The following SLC24A4 variants were observed in gnomAD, a reference collection of about 807,000 sequenced individuals.
SLC24A4 encodes solute carrier family 24 member 4, also known as sodium/potassium/calcium exchanger 4.
In SLC24A4, 53 loss-of-function variants were observed where a neutral mutation model predicts 79.0. That is an observed-to-expected ratio of 0.67 (90% confidence interval 0.54 to 0.84). SLC24A4 has a LOEUF of 0.84. Among genes scored for constraint, SLC24A4 ranks in the 40% least tolerant of loss-of-function variants. The pLI is 0.00. For missense variants in SLC24A4, 731 were observed against 822.0 expected (o/e 0.89, Z 1.35); for synonymous variants, 323 against 323.8 (o/e 1.00, Z 0.03).
chr14:92,399,001 C>T (rs146398354), intron 2 of SLC24A4, among the ~76,000 whole-genome samples: 4 of 152,242 alleles, frequency 2.6e-5, no homozygotes, highest in South Asian at 2.1e-4. Context: ...GGGATTCTAG[C>T]GAGATTTAGG....
chr14:92,356,097 G>A lies in SLC24A4; in HGVS notation c.241+30119G>A, dbSNP rs1419055417. ...ATTATTCAATGAATCACATGAGAGA[G>A]TCAACATTTTATGATAGAATAGACT... On this transcript the variant is annotated intron_variant, in intron 2 of 16. Coordinates refer to ENST00000532405, the MANE Select transcript of SLC24A4 (RefSeq NM_153646.4). 2.6e-5 allele frequency among the ~76,000 whole-genome samples: 4 copies of A among 152,180 alleles called. No individual in the cohort carries two copies. The East Asian group carries it at 5.8e-4, about 22-fold the overall frequency.
At chr14:92,468,604 A>G (rs746933953) in intron 12 of SLC24A4, among the ~76,000 whole-genome samples, 15 of 152,240 alleles carry the variant, frequency 9.9e-5, no homozygotes, top group Non-Finnish European at 1.8e-4. Flanking sequence ...ATGCACCTTT[A>G]CATTTCAGGC....
At chr14:92,422,431 G>A (rs1212997528) in intron 2 of SLC24A4, among the ~76,000 whole-genome samples, 3 of 152,244 alleles carry the variant, frequency 2.0e-5, no homozygotes, top group Admixed American at 2.0e-4. Flanking sequence ...GTCAAGTGCT[G>A]TTGAGAGCTG....
intron 2 of SLC24A4, among the ~76,000 whole-genome samples, chr14:92,340,747 C>T (rs996095934): frequency 1.3e-5 from 2 of 152,042 alleles, no homozygotes; most frequent in African/African-American, 4.8e-5. Context: ...AGAGGGGGCA[C>T]GGATCCCCCT....
chr14:92,467,270 A>G (rs1204950500), intron 12 of SLC24A4, among the ~76,000 whole-genome samples: 5 of 152,270 alleles, frequency 3.3e-5, no homozygotes, highest in Non-Finnish European at 7.3e-5. Context: ...TCAATGTGAT[A>G]TATACCACAT....
rs577060221 is a variant in SLC24A4 at position 92,397,751 on chromosome 14, C to T, written c.242-36161C>T. Among the ~76,000 whole-genome samples the T allele has an allele frequency of 2.6e-5, 4 of 152,302 alleles. No individual in the cohort carries two copies. In the South Asian group the frequency reaches 8.3e-4, roughly 32 times the overall value. ...GGAACGAATAAGATTTCTGCAAGTT[C>T]TGTTTGTCATTATCTAGTGCTGCAA... On this transcript the variant is annotated intron_variant, in intron 2 of 16. Coordinates refer to ENST00000532405, the MANE Select transcript of SLC24A4 (RefSeq NM_153646.4).
In SLC24A4 at chr14:92,442,715, G is replaced by T. The variant is rs925888997; in HGVS notation, c.481G>T (p.Val161Leu). The change falls in exon 6 of 17, where the codon GTG (valine) becomes TTG (leucine). Residue 161 changes from valine (V) to leucine (L), a missense_variant and splice_region_variant. Physicochemically the swap from Val to Leu is conservative, Grantham distance 32. Coordinates refer to ENST00000532405, the MANE Select transcript of SLC24A4 (RefSeq NM_153646.4). Reference sequence around the variant, plus strand: ...GGGTCTGTGTGTTTCCTTTCCAGGGGTGTTCATCACCCATGGGGACGTCGG... The same window carrying T: ...GGGTCTGTGTGTTTCCTTTCCAGGGTTGTTCATCACCCATGGGGACGTCGG... ...TPELFASVIG[V>L]FITHGDVGVG... 6.2e-7 allele frequency: 1 copy of T among 1,611,620 alleles called. No individual in the cohort carries two copies. The highest frequency in any genetic ancestry group is 1.1e-5 in the South Asian group (1 of 91,024).
intron 12 of SLC24A4, among the ~76,000 whole-genome samples, chr14:92,466,537 A>G (rs1366470220): frequency 6.6e-6 from 1 of 152,226 alleles, no homozygotes; most frequent in Admixed American, 6.5e-5. Context: ...TCTAAATTTA[A>G]TGGTACAAAA....
intron 12 of SLC24A4, among the ~76,000 whole-genome samples, chr14:92,481,024 A>G (rs952820484): frequency 4.1e-4 from 63 of 152,340 alleles, no homozygotes; most frequent in African/African-American, 1.3e-3. Context: ...CCTGGATCCA[A>G]TCGTTCTCCC....
rs1884953007 is a variant in SLC24A4, at chr14:92,323,933, T to C, written c.103T>C (p.Cys35Arg). 1.2e-6 allele frequency: 2 copies of C among 1,611,344 alleles called. No individual in the cohort carries two copies. Among genetic ancestry groups the C allele is most frequent in the African/African-American group, 1.3e-5 (1 of 74,858 alleles). Residue 35 changes from cysteine to arginine, a missense_variant, in exon 1 of 17, where the codon TGT (cysteine) becomes CGT (arginine). Coordinates refer to ENST00000532405, the MANE Select transcript of SLC24A4 (RefSeq NM_153646.4). This position sits in a 1 kb window ranked among gnomAD's most constrained non-coding sequence, Gnocchi z 4.9. Reference sequence around the variant, plus strand: ...GTGCGCGGTGCTGGCCCTGGTGTGCTGTGCGTCCGGCCTCTTCGGCAGCTT... The same window carrying C: ...GTGCGCGGTGCTGGCCCTGGTGTGCCGTGCGTCCGGCCTCTTCGGCAGCTT... ...FVCAVLALVC[C>R]ASGLFGSLGH...
chr14:92,392,624 G>A (rs1026108527), intron 2 of SLC24A4, among the ~76,000 whole-genome samples: 2 of 152,132 alleles, frequency 1.3e-5, no homozygotes, highest in African/African-American at 2.4e-5. Context: ...AGTGTGGGGC[G>A]GGCATCCAGA....
rs1401542403 is a variant in SLC24A4 at position 92,323,811 on chromosome 14, C to T, written c.-20C>T. 1.9e-6 allele frequency: 3 copies of T among 1,551,330 alleles called. No homozygotes were observed. In the South Asian group the frequency reaches 3.5e-5, roughly 18 times the overall value. On this transcript the variant is annotated 5_prime_UTR_variant, in exon 1 of 17. The change creates a new upstream start codon in the 5' untranslated region. Transcript: ENST00000532405. The surrounding 1 kb of genome is among the most constrained non-coding windows in gnomAD (Gnocchi z 4.9). ...GAAGCTCCCCATCCTCTCCCAGAGA[C>T]GGCACCCAGGCGCTCCGGGATGGCG...
At chr14:92,349,152 A>AG (rs2141638161) in intron 2 of SLC24A4, among the ~76,000 whole-genome samples, 1 of 150,982 alleles carries the variant, frequency 6.6e-6, no homozygotes, top group African/African-American at 2.4e-5. Flanking sequence ...CAATAATAAA[A>AG]GTGACTGGAA....
In SLC24A4 at chr14:92,482,888, G is replaced by A. The variant is rs1159371201; in HGVS notation, c.1422+42G>A. ...GGGGGTGGACTGTGTGCACAGCCAG[G>A]GAGAGGTGGAGAGCTGGGTTCAAGG... is the stretch of plus-strand genomic sequence containing the variant. On this transcript the variant is annotated intron_variant, in intron 13 of 16. Coordinates refer to ENST00000532405, the MANE Select transcript of SLC24A4 (RefSeq NM_153646.4). The A allele has an allele frequency of 3.8e-6, 6 of 1,564,542 alleles. 1 individual carries two copies. In the Admixed American group the frequency reaches 1.1e-4, roughly 28 times the overall value.
chr14:92,402,404 A>G (rs1458579537), intron 2 of SLC24A4, among the ~76,000 whole-genome samples: 1 of 152,170 alleles, frequency 6.6e-6, no homozygotes, highest in African/African-American at 2.4e-5. Context: ...AGCTCTTTCA[A>G]GTGACCTAGA....
chr14:92,449,662 G>A (rs1197852890), intron 10 of SLC24A4, among the ~76,000 whole-genome samples: 1 of 152,184 alleles, frequency 6.6e-6, no homozygotes, highest in East Asian at 1.9e-4. Context: ...GATGGAGAAC[G>A]GCTCTGGACA....
chr14:92,357,742 G>A (rs559938184), intron 2 of SLC24A4, among the ~76,000 whole-genome samples: 7 of 152,326 alleles, frequency 4.6e-5, no homozygotes, highest in African/African-American at 1.4e-4. Context: ...TGGGAAGATG[G>A]AAAGAGTTCT....
chr14:92,491,293 T>C (rs1050165720), intron 14 of SLC24A4, among the ~76,000 whole-genome samples: 7 of 152,236 alleles, frequency 4.6e-5, no homozygotes, highest in African/African-American at 1.7e-4. Flanking sequence ...ATATTATTGG[T>C]TACTGAACAC....
intron 2 of SLC24A4, among the ~76,000 whole-genome samples, chr14:92,335,336 TTTTTTG>T (rs57448091): frequency 0.23 from 34,345 of 151,100 alleles, 4,556 homozygotes; most frequent in African/African-American, 0.36. Flanking sequence ...CATGCCATGT[TTTTTTG>T]TTTTTGTTTT....
Sources: gnomAD v4.1 joint callset for allele counts (sites outside exome capture counted in the v4.1 genomes callset) on GRCh38, gnomAD v4.1.1 for gene constraint, Gnocchi (gnomAD v3.1) non-coding constraint, MANE v1.5 for transcripts, NCBI Gene and HGNC (gene_info 2026-07-23, HGNC 2026-07-21) for gene names.